DGKI: variants seen among roughly 807,000 people sequenced by gnomAD.
DGKI encodes diacylglycerol kinase iota.
In DGKI, 55 loss-of-function variants were observed where a neutral mutation model predicts 147.5. That is an observed-to-expected ratio of 0.37 (90% CI 0.30 to 0.47). The LOEUF (loss-of-function observed/expected upper bound fraction) is 0.47. DGKI is among the 20% of genes least tolerant of loss of function. The pLI is 1.00. For missense variants in DGKI, 1,007 were observed against 1,323.8 expected (o/e 0.76, Z 3.71); for synonymous variants, 469 against 477.1 (o/e 0.98, Z 0.22).
chr7:137,681,718 G>T (rs188250078), intron 2 of DGKI, among the ~76,000 whole-genome samples: 40 of 152,350 alleles, frequency 2.6e-4, no homozygotes, highest in South Asian at 1.2e-3. Flanking sequence ...AGAAAGTGAA[G>T]TCCAAAATGT....
At chr7:137,490,788 T>C (rs1815735843) in intron 21 of DGKI, among the ~76,000 whole-genome samples, 1 of 152,210 alleles carries the variant, frequency 6.6e-6, no homozygotes, top group Non-Finnish European at 1.5e-5. Context: ...AGCTCAACAA[T>C]TCATCTTATT....
intron 21 of DGKI, among the ~76,000 whole-genome samples, chr7:137,499,169 GTAAA>G (rs1816080805): frequency 6.6e-6 from 1 of 152,146 alleles, no homozygotes; most frequent in African/African-American, 2.4e-5. Context: ...TACGTTGGTG[GTAAA>G]TATATACCTA....
At chr7:137,523,012 T>G (rs1039248685) in intron 20 of DGKI, among the ~76,000 whole-genome samples, 2 of 151,872 alleles carry the variant, frequency 1.3e-5, no homozygotes, top group African/African-American at 4.8e-5. Context: ...ATTCTTTAAT[T>G]TGTTCCTGTA....
At chr7:137,634,926 G>T (rs567286774) in intron 6 of DGKI, among the ~76,000 whole-genome samples, 2 of 152,186 alleles carry the variant, frequency 1.3e-5, no homozygotes, top group Non-Finnish European at 2.9e-5. Context: ...AAGATAGGTG[G>T]CTTGACATAG....
intron 28 of DGKI, among the ~76,000 whole-genome samples, chr7:137,417,684 G>A (rs576265470): frequency 2.0e-5 from 3 of 152,282 alleles, no homozygotes; most frequent in African/African-American, 7.2e-5. Context: ...CCCCAGTGTG[G>A]TATTAAGAGG....
At chr7:137,618,153 T>TATATATATATATATA (rs1563114668) in intron 8 of DGKI, among the ~76,000 whole-genome samples, 2 of 9,642 alleles carry the variant, frequency 2.1e-4, no homozygotes, top group African/African-American at 3.7e-4. Flanking sequence ...ATATATATAT[T>TATATATATATATATA]TTTTTTTTTT....
At chr7:137,559,912 T>C (rs1818360625) in intron 19 of DGKI, among the ~76,000 whole-genome samples, 1 of 152,320 alleles carries the variant, frequency 6.6e-6, no homozygotes, top group Non-Finnish European at 1.5e-5. Context: ...AGCAATGGAA[T>C]AAAATAGATT....
Position 137,485,406 on chromosome 7 carries a change from C to A in DGKI, c.2341G>T (p.Val781Phe). The change falls in exon 23 of 33, where the codon GTT becomes TTT. Residue 781 changes from valine (V) to phenylalanine (F), a missense_variant. By Grantham distance (50) the Val-to-Phe change is conservative. Transcript: ENST00000614521. ...IDRLQEDLQS[V>F]SSGSQRVHYQ... ...TGAACTCTCTGGGAGCCAGAAGAAA[C>A]TGACTGTAGGTCCTAATGAGAAAAT... is the stretch of plus-strand genomic sequence containing the variant. The A allele has an allele frequency of 3.1e-6, 5 of 1,609,176 alleles. No homozygotes were observed. The highest frequency in any genetic ancestry group is 4.2e-6 in the Non-Finnish European group (5 of 1,177,410).
At chr7:137,805,973 T>C (rs1433715731) in intron 1 of DGKI, among the ~76,000 whole-genome samples, 1 of 152,230 alleles carries the variant, frequency 6.6e-6, no homozygotes, top group Non-Finnish European at 1.5e-5. Context: ...CGCTAAATAA[T>C]ACAGGCTGTA....
intron 1 of DGKI, chr7:137,774,832 A>G (rs1206235237): frequency 6.6e-6 from 1 of 152,106 alleles, no homozygotes; most frequent in Non-Finnish European, 1.5e-5. Flanking sequence ...CCTATATGAA[A>G]AGGAGGAGGG....
At chr7:137,459,405 C>G (rs1814331182) in intron 27 of DGKI, among the ~76,000 whole-genome samples, 1 of 149,368 alleles carries the variant, frequency 6.7e-6, no homozygotes, top group Non-Finnish European at 1.5e-5. Flanking sequence ...GTTTTCAGTA[C>G]TTTTTTCTTT....
At chr7:137,510,028 T>C (rs1218080725) in intron 21 of DGKI, among the ~76,000 whole-genome samples, 2 of 152,210 alleles carry the variant, frequency 1.3e-5, no homozygotes, top group East Asian at 1.9e-4. Context: ...GATCCAATCA[T>C]GGATGCTGTT....
intron 5 of DGKI, among the ~76,000 whole-genome samples, chr7:137,648,818 CA>C (rs932686775): frequency 2.0e-5 from 3 of 152,084 alleles, no homozygotes; most frequent in Admixed American, 6.5e-5. Context: ...TGTAGAATAT[CA>C]TATAGTTTAG....
intron 6 of DGKI, among the ~76,000 whole-genome samples, chr7:137,632,730 A>G (rs1821173529): frequency 2.6e-5 from 4 of 152,032 alleles, no homozygotes; most frequent in South Asian, 4.2e-4. Context: ...GTGGTGGCAC[A>G]CGCCTGTAGT....
chr7:137,421,730 G>A (rs1025732638), intron 28 of DGKI, among the ~76,000 whole-genome samples: 2 of 152,330 alleles, frequency 1.3e-5, no homozygotes, highest in Admixed American at 6.5e-5. Flanking sequence ...TCATAAGCAT[G>A]AGGACACTTT....
At chr7:137,433,705 G>A (rs572986579) in intron 28 of DGKI, among the ~76,000 whole-genome samples, 16 of 152,192 alleles carry the variant, frequency 1.1e-4, no homozygotes, top group Non-Finnish European at 1.9e-4. Context: ...CAGAGTCAGA[G>A]ATTTCTCATT....
chr7:137,393,728 A>G (rs1302557779), intron 32 of DGKI, among the ~76,000 whole-genome samples: 1 of 152,196 alleles, frequency 6.6e-6, no homozygotes, highest in Non-Finnish European at 1.5e-5. Flanking sequence ...AGAAACCAGG[A>G]CACAGCTCAA....
intron 1 of DGKI, among the ~76,000 whole-genome samples, chr7:137,783,329 T>C (rs1299999575): frequency 2.0e-5 from 3 of 151,996 alleles, no homozygotes; most frequent in African/African-American, 7.3e-5. Context: ...AAATGCAAAA[T>C]GCACTAGAAA....
chr7:137,450,226 G>T (rs1813898104), intron 27 of DGKI, among the ~76,000 whole-genome samples: 1 of 152,118 alleles, frequency 6.6e-6, no homozygotes, highest in Non-Finnish European at 1.5e-5. Flanking sequence ...ATAGCATGCT[G>T]ACTATAGTTA....
Sources: allele counts gnomAD v4.1 joint callset (sites outside exome capture counted in the v4.1 genomes callset), GRCh38; gene constraint gnomAD v4.1.1; transcripts MANE v1.5; gene names NCBI Gene and HGNC (gene_info 2026-07-23, HGNC 2026-07-21).